The following PRRC2C variants were observed in gnomAD, a reference collection of about 807,000 sequenced individuals.
PRRC2C encodes the protein proline rich coiled-coil 2C, also known as protein PRRC2C.
A neutral mutation model predicts 317.2 loss-of-function variants in PRRC2C; 72 were observed. The ratio of observed to expected loss-of-function variants is 0.23; its 90% CI spans 0.19 to 0.28. The LOEUF is 0.28. PRRC2C is among the 10% of genes least tolerant of loss of function. The pLI, the probability that PRRC2C is intolerant of heterozygous loss-of-function variation, is 1.00. For synonymous variants in PRRC2C, 1,296 were observed against 1,205.9 expected (o/e 1.07, Z -1.55); for missense variants, 3,074 against 3,459.7 (o/e 0.89, Z 2.80).
chr1:171,551,470 A>G (rs1217469747), intron 18 of PRRC2C, among the ~76,000 whole-genome samples: 1 of 152,060 alleles, frequency 6.6e-6, no homozygotes, highest in Non-Finnish European at 1.5e-5. Flanking sequence ...GTTTAATTAG[A>G]TCCCTTTTGT....
In PRRC2C at chr1:171,589,388, T is replaced by G. The variant is rs757143811; in HGVS notation, c.8219T>G (p.Leu2740Arg). The stretch of plus-strand genomic sequence containing the variant: ...ACTCAGATTCTCTCCCAGCCTAACC[T>G]GGTCCCTCCATTGGTAAGAGCCCCA... ...FAPQILSQPN[L>R]VPPLVRAPHT... Residue 2740 changes from leucine to arginine, a missense_variant, in exon 34 of 35, where the codon CTG (leucine) becomes CGG (arginine). Transcript: ENST00000647382. The G allele has an allele frequency of 1.6e-6, 2 of 1,286,798 alleles. No homozygotes were observed. The highest frequency in any genetic ancestry group is 2.0e-6 in the Non-Finnish European group (2 of 987,310). 79.7% of individuals were successfully genotyped at this position (1,286,798 alleles called of 1,614,324 possible).
chr1:171,505,831 C>T (rs1040154831), intron 1 of PRRC2C, among the ~76,000 whole-genome samples: 6 of 152,200 alleles, frequency 3.9e-5, no homozygotes, highest in East Asian at 1.9e-4. Context: ...AACAGTGGGC[C>T]GCATATATGA....
At chr1:171,588,890 A>T (rs1274689046) in intron 33 of PRRC2C, among the ~76,000 whole-genome samples, 1 of 152,220 alleles carries the variant, frequency 6.6e-6, no homozygotes, top group African/African-American at 2.4e-5. Flanking sequence ...TTCCAAAAAG[A>T]TGTTTTAATA....
chr1:171,559,040 A>G (rs1030355235), intron 19 of PRRC2C, among the ~76,000 whole-genome samples: 20 of 152,288 alleles, frequency 1.3e-4, no homozygotes, highest in East Asian at 3.9e-4. Context: ...TTCTATCTCT[A>G]TTCAATTCTG....
Position 171,514,538 on chromosome 1 carries a change from C to T in PRRC2C, c.293C>T (p.Thr98Ile), listed in dbSNP as rs1241023295. 9.7e-6 allele frequency: 15 copies of T among 1,550,814 alleles called. No individual in the cohort carries two copies. The highest frequency in any genetic ancestry group is 1.3e-5 in the Non-Finnish European group (15 of 1,147,212). ...ATGGATTCATATTTTTTTTTAAGAA[C>T]ACCAGAAGTGCCACCAGCACAGCCA... ...SKQEQHEEEK[T>I]PEVPPAQPKP... The change falls in exon 4 of 35, where the codon ACA (threonine) becomes ATA (isoleucine). Residue 98 changes from threonine (T) to isoleucine (I), a missense_variant and splice_region_variant. Coordinates refer to ENST00000647382, the MANE Select transcript of PRRC2C (RefSeq NM_001387844.1).
rs557938963 is a variant in PRRC2C at position 171,524,458 on chromosome 1, A to C, written c.1056-363A>C. 2.0e-5 allele frequency among the ~76,000 whole-genome samples: 3 copies of C among 152,242 alleles called. No homozygotes were observed. In the East Asian group the frequency reaches 5.8e-4, roughly 29 times the overall value. On this transcript the variant is annotated intron_variant, in intron 9 of 34. Coordinates refer to ENST00000647382, the MANE Select transcript of PRRC2C (RefSeq NM_001387844.1). ...GGCTTTGAAAAAATACTGTAGTTTG[A>C]TTTATCTTTTTATTAAATCAGAATA...
At chr1:171,513,652 T>C (rs1671790157) in intron 3 of PRRC2C, among the ~76,000 whole-genome samples, 1 of 152,208 alleles carries the variant, frequency 6.6e-6, no homozygotes, top group South Asian at 2.1e-4. Context: ...CATCCTTCTT[T>C]CAACAACTAT....
intron 34 of PRRC2C, among the ~76,000 whole-genome samples, chr1:171,589,985 T>TC (rs1651039687): frequency 7.8e-6 from 1 of 128,370 alleles, no homozygotes; most frequent in East Asian, 2.1e-4. Context: ...TTTTCTTTCT[T>TC]TTTTTTTTTT....
chr1:171,522,119 A>G, intron 6 of PRRC2C, 58 bp from the exon 7 acceptor site: 3 of 857,548 alleles, frequency 3.5e-6, no homozygotes, highest in Non-Finnish European at 5.2e-6. Flanking sequence ...TATATATATA[A>G]TTTTTTAAAA....
At chr1:171,577,712 T>C in intron 26 of PRRC2C, 75 bp downstream of exon 26, 1 of 1,345,800 alleles carries the variant, frequency 7.4e-7, no homozygotes, top group Non-Finnish European at 1.0e-6. Context: ...TGTCTCTTCT[T>C]ACCCTTTCAG....
At chr1:171,505,531 A>G (rs898384910) in intron 1 of PRRC2C, among the ~76,000 whole-genome samples, 4 of 151,486 alleles carry the variant, frequency 2.6e-5, no homozygotes, top group African/African-American at 9.8e-5. Flanking sequence ...ATTTTACTTT[A>G]TCCCTTCCAA....
chr1:171,501,187 T>A (rs1473185710), intron 1 of PRRC2C, among the ~76,000 whole-genome samples: 1 of 151,818 alleles, frequency 6.6e-6, no homozygotes, highest in Admixed American at 6.6e-5. Context: ...CATGAGCTAC[T>A]GTGTGAACAG....
At chr1:171,494,728 G>A (rs1367794500) in intron 1 of PRRC2C, among the ~76,000 whole-genome samples, 2 of 151,948 alleles carry the variant, frequency 1.3e-5, no homozygotes, top group Non-Finnish European at 2.9e-5. Flanking sequence ...TTCGCCTTCC[G>A]TGATCTACAC....
intron 20 of PRRC2C, 123 bp downstream of exon 20, chr1:171,561,226 TTGAGACCAGCCTGGGCAACATAG>T: frequency 1.1e-6 from 1 of 934,068 alleles, no homozygotes; most frequent in South Asian, 1.3e-5. Flanking sequence ...GTCCGGGAGT[TTGAGACCAGCCTGGGCAACATAG>T]TGAGACCCGC....
chr1:171,551,965 G>C (rs1680329925), intron 18 of PRRC2C, among the ~76,000 whole-genome samples: 1 of 152,108 alleles, frequency 6.6e-6, no homozygotes, highest in Non-Finnish European at 1.5e-5. Context: ...GGTTCCATAT[G>C]AACTTTAAAG....
chr1:171,520,252 C>G (rs150749498), intron 6 of PRRC2C, among the ~76,000 whole-genome samples: 1 of 152,092 alleles, frequency 6.6e-6, no homozygotes, highest in Non-Finnish European at 1.5e-5. Flanking sequence ...CGTGAGCCAC[C>G]GTGCCTGGCC....
intron 1 of PRRC2C, among the ~76,000 whole-genome samples, chr1:171,500,331 G>A (rs1668853479): frequency 6.6e-6 from 1 of 152,172 alleles, no homozygotes; most frequent in Admixed American, 6.5e-5. Context: ...AGAGACCATA[G>A]CTAATCTCTT....
At chr1:171,588,961 C>T (rs1179630775) in intron 33 of PRRC2C, among the ~76,000 whole-genome samples, 3 of 152,338 alleles carry the variant, frequency 2.0e-5, no homozygotes, top group South Asian at 4.1e-4. Context: ...TAAGAACTCT[C>T]ACAAACTAGA....
intron 22 of PRRC2C, 79 bp downstream of exon 22, chr1:171,566,922 C>CTT: frequency 4.3e-5 from 53 of 1,237,896 alleles, no homozygotes; most frequent in South Asian, 1.3e-4. Context: ...CAACAGTCTG[C>CTT]TTTTTTTTTT....
Sources: allele counts gnomAD v4.1 joint callset (sites outside exome capture counted in the v4.1 genomes callset), GRCh38; gene constraint gnomAD v4.1.1; transcripts MANE v1.5; gene names NCBI Gene and HGNC (gene_info 2026-07-23, HGNC 2026-07-21).